Variants in CNTN4 observed in about 807,000 individuals in gnomAD.
CNTN4 encodes contactin-4.
CNTN4 carries 77 observed loss-of-function variants against 122.5 expected under a neutral mutation model. The observed-to-expected ratio is 0.63, with a 90% CI of 0.52 to 0.76. The LOEUF (loss-of-function observed/expected upper bound fraction) is 0.76, where lower values mean the gene tolerates loss of function less well. CNTN4 is among the 30% of genes least tolerant of loss of function. The pLI is 0.00. For synonymous variants in CNTN4, 512 were observed against 447.0 expected (o/e 1.15, Z -1.83); for missense variants, 1,256 against 1,259.1 (o/e 1.00, Z 0.04).
intron 4 of CNTN4, among the ~76,000 whole-genome samples, chr3:2,702,802 T>G (rs968257590): frequency 1.3e-5 from 2 of 152,166 alleles, no homozygotes; most frequent in Non-Finnish European, 2.9e-5. Flanking sequence ...AAAAAGGAGT[T>G]TTCCAGCACA....
intron 4 of CNTN4, among the ~76,000 whole-genome samples, chr3:2,649,100 G>A (rs1043628406): frequency 6.6e-5 from 10 of 152,202 alleles, no homozygotes; most frequent in South Asian, 6.2e-4. Flanking sequence ...GTTGCTTCAT[G>A]AGATTTAAGG....
chr3:2,290,890 A>C (rs562362889), intron 2 of CNTN4, among the ~76,000 whole-genome samples: 3 of 152,294 alleles, frequency 2.0e-5, no homozygotes, highest in African/African-American at 7.2e-5. Flanking sequence ...TGTGGCTAAA[A>C]TGACCACGTT....
intron 3 of CNTN4, among the ~76,000 whole-genome samples, chr3:2,487,619 A>G (rs1005276889): frequency 1.3e-5 from 2 of 151,890 alleles, no homozygotes; most frequent in African/African-American, 4.8e-5. Context: ...TGTGTGCATG[A>G]CTCTTTTTTT....
chr3:2,565,546 A>T (rs1167586372), intron 3 of CNTN4, among the ~76,000 whole-genome samples: 1 of 152,196 alleles, frequency 6.6e-6, no homozygotes, highest in Non-Finnish European at 1.5e-5. Flanking sequence ...CTCATTTGAC[A>T]TATAAACTAT....
chr3:2,687,843 T>G (rs1190173079), intron 4 of CNTN4, among the ~76,000 whole-genome samples: 1 of 152,140 alleles, frequency 6.6e-6, no homozygotes, highest in African/African-American at 2.4e-5. Context: ...TATTTATTCA[T>G]TTTACAAATG....
chr3:2,238,758 GGCCC>G lies in CNTN4; in HGVS notation c.-144-100419_-144-100416del, dbSNP rs2039785805. On this transcript the variant is annotated intron_variant, in intron 2 of 24. Transcript: ENST00000418658. ...GTGTTTTTTTTTTGAGACGGAGTCT[GGCCC>G]TGTCGCCCAGGCTGGAGTGCGGTGG... The G allele has an allele frequency of 1.4e-4, 9 of 65,940 alleles. 2 individuals carry two copies. Among genetic ancestry groups the G allele is most frequent in the African/African-American group, 3.2e-4 (7 of 21,978 alleles). 4.1% of individuals were successfully genotyped at this position (65,940 alleles called of 1,614,324 possible).
chr3:2,347,941 T>C (rs534865953), intron 3 of CNTN4, among the ~76,000 whole-genome samples: 11 of 152,294 alleles, frequency 7.2e-5, no homozygotes, highest in Non-Finnish European at 1.2e-4. Context: ...TTTCTCCTCA[T>C]GTTCATTAAT....
intron 2 of CNTN4, among the ~76,000 whole-genome samples, chr3:2,294,924 G>A (rs139732938): frequency 0.09 from 13,636 of 151,844 alleles, 730 homozygotes; most frequent in Non-Finnish European, 0.12. Flanking sequence ...GAGAACATGC[G>A]GTGTTCAGTT....
At chr3:2,516,191 T>A (rs930824654) in intron 3 of CNTN4, among the ~76,000 whole-genome samples, 12 of 151,984 alleles carry the variant, frequency 7.9e-5, no homozygotes, top group African/African-American at 2.4e-4. Context: ...ATATATATAT[T>A]TTTGATGCAG....
intron 2 of CNTN4, among the ~76,000 whole-genome samples, chr3:2,265,766 T>TA (rs145991355): frequency 2.1e-4 from 8 of 38,216 alleles, no homozygotes; most frequent in Non-Finnish European, 3.6e-4. Context: ...ATATATATAT[T>TA]TTTTTTTGTG....
intron 4 of CNTN4, among the ~76,000 whole-genome samples, chr3:2,588,222 C>G (rs1338833732): frequency 6.6e-6 from 1 of 152,106 alleles, no homozygotes; most frequent in East Asian, 1.9e-4. Context: ...TAGTTCACCA[C>G]AAGTATAAGA....
At chr3:2,146,955 A>G (rs1199446209) in intron 2 of CNTN4, among the ~76,000 whole-genome samples, 1 of 152,044 alleles carries the variant, frequency 6.6e-6, no homozygotes, top group African/African-American at 2.4e-5. Context: ...ATCTTGGCTC[A>G]TTGCAACCTC....
chr3:2,678,202 G>T lies in CNTN4; in HGVS notation c.56-58013G>T, dbSNP rs1285638855. 2.0e-5 allele frequency among the ~76,000 whole-genome samples: 3 copies of T among 152,168 alleles called. No homozygotes were observed. The East Asian group carries it at 5.8e-4, about 29-fold the overall frequency. ...TTTTAATGCTATTTTTGGATAAGAGGTAATTATTTTTAATTGTTAAACTAC... is the reference window on the plus strand; with the variant it reads ...TTTTAATGCTATTTTTGGATAAGAGTTAATTATTTTTAATTGTTAAACTAC... On this transcript the variant is annotated intron_variant, in intron 4 of 24. Coordinates refer to ENST00000418658, the MANE Select transcript of CNTN4 (RefSeq NM_175607.3).
At chr3:2,671,917 TTGC>T (rs2084540582) in intron 4 of CNTN4, among the ~76,000 whole-genome samples, 1 of 104,118 alleles carries the variant, frequency 9.6e-6, no homozygotes, top group African/African-American at 6.0e-5. Context: ...ACAGCAAATA[TTGC>T]TGAACAGCAA....
chr3:2,770,013 CTTTT>C, intron 6 of CNTN4, among the ~76,000 whole-genome samples: 1 of 105,878 alleles, frequency 9.4e-6, no homozygotes, highest in East Asian at 2.8e-4. Context: ...CTCTCTGTCT[CTTTT>C]TGTTTGTTTG....
At chr3:2,919,514 A>G (rs1247153180) in intron 12 of CNTN4, among the ~76,000 whole-genome samples, 2 of 152,174 alleles carry the variant, frequency 1.3e-5, no homozygotes, top group South Asian at 2.1e-4. Context: ...CAAGGAACTG[A>G]TGTTCTAATA....
At chr3:2,219,783 A>T (rs2038990337) in intron 2 of CNTN4, among the ~76,000 whole-genome samples, 1 of 151,486 alleles carries the variant, frequency 6.6e-6, no homozygotes, top group Admixed American at 6.6e-5. Flanking sequence ...TTGTTTTGAG[A>T]TGGATCTTAA....
intron 4 of CNTN4, 174 bp from the exon 5 acceptor site, chr3:2,736,041 A>G: frequency 2.7e-6 from 2 of 753,548 alleles, no homozygotes; most frequent in South Asian, 1.4e-5. Context: ...ATCATAATCC[A>G]CAGAAGATTA....
chr3:2,390,656 G>A (rs148544100), intron 3 of CNTN4, among the ~76,000 whole-genome samples: 2 of 152,200 alleles, frequency 1.3e-5, no homozygotes, highest in Non-Finnish European at 1.5e-5. Context: ...ACAGCTACTG[G>A]TTGATTAATA....
Sources: gnomAD v4.1 joint callset for allele counts (sites outside exome capture counted in the v4.1 genomes callset) on GRCh38, gnomAD v4.1.1 for gene constraint, MANE v1.5 for transcripts, NCBI Gene and HGNC (gene_info 2026-07-23, HGNC 2026-07-21) for gene names.